PRRC2B: variants seen among roughly 807,000 people sequenced by gnomAD.
The protein encoded by PRRC2B is proline rich coiled-coil 2B, also known as protein PRRC2B.
Under a neutral mutation model 242.3 loss-of-function variants are expected in PRRC2B, and 68 were observed. The ratio of observed to expected loss-of-function variants is 0.28; its 90% CI spans 0.23 to 0.34. PRRC2B has a LOEUF of 0.34. Among genes scored for constraint, PRRC2B ranks in the 10% least tolerant of loss-of-function variants. The pLI is 1.00. For missense variants in PRRC2B, 2,835 were observed against 2,954.8 expected (o/e 0.96, Z 0.94); for synonymous variants, 1,228 against 1,173.6 (o/e 1.05, Z -0.95).
chr9:131,470,950 G>A lies in PRRC2B; in HGVS notation c.2074G>A (p.Val692Met). 6.2e-7 allele frequency: 1 copy of A among 1,612,498 alleles called. No homozygotes were observed. The highest frequency in any genetic ancestry group is 8.5e-7 in the Non-Finnish European group (1 of 1,179,142). The change falls in exon 14 of 32, where the codon GTG becomes ATG. Residue 692 changes from valine to methionine, a missense_variant. Transcript: ENST00000683519. ...ACGTATCACGCCCACTCGGACCCCG[G>A]TGGACTTCTACCCCTCCGCCCTGCA... ...DPRITPTRTP[V>M]DFYPSALHPS... is the part of the protein sequence containing the mutation.
Position 131,491,529 on chromosome 9 carries a change from A to G in PRRC2B, c.6330A>G (p.Arg2110=), listed in dbSNP as rs1944194960. The G allele has an allele frequency of 6.2e-7, 1 of 1,612,000 alleles. No homozygotes were observed. Among genetic ancestry groups the G allele is most frequent in the Non-Finnish European group, 8.5e-7 (1 of 1,179,494 alleles). Residue 2110 remains arginine (R), a synonymous_variant, in exon 29 of 32, where the codon CGA becomes CGG. Transcript: ENST00000683519. ...PGQSLSVGAP[R]RIPPPGSQPP... ...AGAGCCTCTCCGTTGGGGCCCCCCG[A>G]AGGATTCCTCCGCCCGGGTCCCAGC...
upstream of PRRC2B, among the ~76,000 whole-genome samples, chr9:131,390,583 T>C (rs1414787290): frequency 7.9e-6 from 1 of 126,882 alleles, no homozygotes; most frequent in Non-Finnish European, 1.7e-5. Context: ...CCCAGGTTCA[T>C]GCCATTGTCC....
intron 5 of PRRC2B, among the ~76,000 whole-genome samples, chr9:131,443,135 TA>T (rs1268442155): frequency 1.3e-4 from 11 of 87,750 alleles, no homozygotes; most frequent in African/African-American, 3.8e-4. Flanking sequence ...TATTTTATTT[TA>T]TTATTTTTTT....
chr9:131,395,592 A>G (rs563451729), intron 1 of PRRC2B, among the ~76,000 whole-genome samples: 1 of 152,218 alleles, frequency 6.6e-6, no homozygotes, highest in African/African-American at 2.4e-5. Context: ...GGCCTGGCAC[A>G]GTTAGTGGTT....
At chr9:131,454,892 G>A (rs1043744759) in intron 9 of PRRC2B, among the ~76,000 whole-genome samples, 184 bp from the exon 10 acceptor site, 3 of 148,656 alleles carry the variant, frequency 2.0e-5, no homozygotes, top group East Asian at 3.9e-4. Context: ...CCTCAGCCTC[G>A]CAAAGTACTG....
At chr9:131,450,826 G>T (rs1942890595) in intron 9 of PRRC2B, among the ~76,000 whole-genome samples, 1 of 152,082 alleles carries the variant, frequency 6.6e-6, no homozygotes, top group Non-Finnish European at 1.5e-5. Flanking sequence ...GACCTCAGGT[G>T]ATAGGTCCGC....
intron 1 of PRRC2B, among the ~76,000 whole-genome samples, chr9:131,405,325 C>A (rs1837333432): frequency 6.6e-6 from 1 of 152,172 alleles, no homozygotes; most frequent in Non-Finnish European, 1.5e-5. Context: ...AAATGATTGT[C>A]CTTGCTGCCT....
chr9:131,496,092 A>G lies in PRRC2B; in HGVS notation c.*218A>G. ...CCGCTTGCTTTGATACGAAACAAAAAAGCAGACGACTCCTTCATCCCATCT... is the reference window on the plus strand; with the variant it reads ...CCGCTTGCTTTGATACGAAACAAAAGAGCAGACGACTCCTTCATCCCATCT... On this transcript the variant is annotated 3_prime_UTR_variant, in exon 32 of 32. Coordinates refer to ENST00000683519, the MANE Select transcript of PRRC2B (RefSeq NM_013318.4). 1 of 581,998 alleles carries G rather than the reference A, an allele frequency of 1.7e-6. No individual in the cohort carries two copies. Among genetic ancestry groups the G allele is most frequent in the Non-Finnish European group, 3.0e-6 (1 of 336,652 alleles). 36.1% of individuals were successfully genotyped at this position (581,998 alleles called of 1,614,324 possible).
At chr9:131,478,127 G>A (rs570294790) in intron 17 of PRRC2B, among the ~76,000 whole-genome samples, 178 bp downstream of exon 17, 1 of 152,134 alleles carries the variant, frequency 6.6e-6, no homozygotes, top group Non-Finnish European at 1.5e-5. Context: ...GATTCCCACC[G>A]AGTGTTGCTC....
chr9:131,422,548 G>A (rs1306446004), intron 1 of PRRC2B, among the ~76,000 whole-genome samples: 1 of 152,242 alleles, frequency 6.6e-6, no homozygotes, highest in Non-Finnish European at 1.5e-5. Context: ...CCTGGTGAAT[G>A]ACAGGTCATC....
rs374125225 is a variant in PRRC2B, at chr9:131,447,820, C to T, written c.1120+16C>T. The T allele has an allele frequency of 1.8e-5, 29 of 1,606,054 alleles. No homozygotes were observed. In the African/African-American group the frequency reaches 2.0e-4, roughly 11 times the overall value. On this transcript the variant is annotated intron_variant, in intron 9 of 31. Transcript: ENST00000683519. ...GGCTGGGCAGGTGGGCAGAGAAGCA[C>T]GGGTGGTTTAGACGGGCAGGACCAA...
At chr9:131,448,543 CAAA>C (rs754661321) in intron 9 of PRRC2B, among the ~76,000 whole-genome samples, 554 of 39,878 alleles carry the variant, frequency 0.014, 86 homozygotes, top group South Asian at 0.025. Context: ...GACACTGTCT[CAAA>C]AAAAAAAAAA....
chr9:131,486,918 G>A (rs981590668), intron 26 of PRRC2B, among the ~76,000 whole-genome samples: 11 of 152,220 alleles, frequency 7.2e-5, no homozygotes, highest in African/African-American at 2.2e-4. Context: ...GTTGACGTAT[G>A]TGCTAGGATC....
intron 3 of PRRC2B, among the ~76,000 whole-genome samples, chr9:131,433,001 T>G (rs1487761141): frequency 6.6e-6 from 1 of 152,222 alleles, no homozygotes; most frequent in East Asian, 1.9e-4. Flanking sequence ...CCTTCATTTT[T>G]TCTGGCTTTT....
At chr9:131,477,105 G>A (rs1284960270) in intron 16 of PRRC2B, among the ~76,000 whole-genome samples, 2 of 152,178 alleles carry the variant, frequency 1.3e-5, no homozygotes, top group African/African-American at 2.4e-5. Flanking sequence ...AGAGGCATTC[G>A]GGTGATGACC....
upstream of PRRC2B, among the ~76,000 whole-genome samples, chr9:131,392,279 A>G (rs1349930852): frequency 1.3e-5 from 2 of 151,404 alleles, no homozygotes; most frequent in East Asian, 1.9e-4. Flanking sequence ...TTGTATTTTT[A>G]GTAGAGATGG....
chr9:131,375,312 T>C (rs1234617314), intron 1 of PRRC2B, among the ~76,000 whole-genome samples: 1 of 151,954 alleles, frequency 6.6e-6, no homozygotes, highest in African/African-American at 2.4e-5. Flanking sequence ...GGCAGGAGAA[T>C]TGCTTGAATC....
intron 11 of PRRC2B, 56 bp downstream of exon 11, chr9:131,459,412 G>T: frequency 6.9e-7 from 1 of 1,459,094 alleles, no homozygotes; most frequent in Non-Finnish European, 9.4e-7. Context: ...TTGGGTGGCT[G>T]GGTTTCTGAG....
intron 18 of PRRC2B, 23 bp downstream of exon 18, chr9:131,478,642 G>GGGGGGGGGGGGGGGGGGGC: frequency 1.2e-5 from 6 of 482,028 alleles, no homozygotes; most frequent in Non-Finnish European, 2.1e-5. Context: ...GGGTGGGGGG[G>GGGGGGGGGGGGGGGGGGGC]CATGGGGCTG....
Sources: gnomAD v4.1 joint callset for allele counts (sites outside exome capture counted in the v4.1 genomes callset) on GRCh38, gnomAD v4.1.1 for gene constraint, MANE v1.5 for transcripts, NCBI Gene and HGNC (gene_info 2026-07-23, HGNC 2026-07-21) for gene names.